The following SDAD1 variants were observed in gnomAD, a reference collection of about 807,000 sequenced individuals.
The protein encoded by SDAD1 is SDA1 domain containing 1, also known as protein SDA1 homolog.
A neutral mutation model predicts 100.3 loss-of-function variants in SDAD1; 79 were observed. That is an observed-to-expected ratio of 0.79 (90% CI 0.66 to 0.95). SDAD1 has a LOEUF of 0.95. SDAD1 is among the 40% of genes least tolerant of loss of function. SDAD1 has a pLI of 0.00. For synonymous variants in SDAD1, 267 were observed against 271.4 expected, an observed-to-expected ratio of 0.98 and a Z score of 0.16; for missense variants, 790 against 810.9, an observed-to-expected ratio of 0.97 and a Z score of 0.31.
chr4:75,962,975 T>G (rs1430867831), intron 14 of SDAD1, among the ~76,000 whole-genome samples: 2 of 152,346 alleles, frequency 1.3e-5, no homozygotes, highest in East Asian at 3.9e-4. Flanking sequence ...TCCATGCCTA[T>G]GTCCTGAATG....
Position 75,956,035 on chromosome 4 carries a change from C to A in SDAD1, c.1956G>T (p.Met652Ile), listed in dbSNP as rs1174109740. The A allele has an allele frequency of 4.3e-6, 7 of 1,612,624 alleles. No homozygotes were observed. Among genetic ancestry groups the A allele is most frequent in the Non-Finnish European group, 5.9e-6 (7 of 1,179,724 alleles). Reference protein sequence around the residue: ...NKEKKKQKNFMMMRYSQNVRS... With the variant: ...NKEKKKQKNFIMMRYSQNVRS... Reference sequence around the variant, plus strand: ...GGACATTCTGGCTATACCGCATCATCATAAAGTTCTTCTGTTTTTTCTTCT... The same window carrying A: ...GGACATTCTGGCTATACCGCATCATAATAAAGTTCTTCTGTTTTTTCTTCT... The change falls in exon 21 of 22, where the codon ATG (methionine) becomes ATT (isoleucine). Residue 652 changes from methionine to isoleucine, a missense_variant. Coordinates refer to ENST00000356260, the MANE Select transcript of SDAD1 (RefSeq NM_018115.4).
At chr4:75,961,690 G>A (rs1324392924) in intron 14 of SDAD1, among the ~76,000 whole-genome samples, 2 of 152,146 alleles carry the variant, frequency 1.3e-5, no homozygotes, top group Non-Finnish European at 2.9e-5. Context: ...TACTTATCAG[G>A]ACAGATTAGA....
intron 16 of SDAD1, 48 bp from the exon 17 acceptor site, chr4:75,960,240 C>A: frequency 6.9e-7 from 1 of 1,453,178 alleles, no homozygotes; most frequent in Non-Finnish European, 9.3e-7. Flanking sequence ...ATCATAAAAC[C>A]TTAATCATGA....
At chr4:75,950,916 A>AGC in intron 21 of SDAD1, 119 bp from the exon 22 acceptor site, 1 of 583,850 alleles carries the variant, frequency 1.7e-6, no homozygotes, top group South Asian at 2.8e-5. Context: ...CTGAAAAACT[A>AGC]TAAATGATAA....
chr4:75,954,412 C>T (rs995969003), intron 21 of SDAD1, among the ~76,000 whole-genome samples: 2 of 151,646 alleles, frequency 1.3e-5, no homozygotes, highest in African/African-American at 4.8e-5. Context: ...AGTACCCACA[C>T]CTATAATCCT....
chr4:75,970,227 T>C (rs977478145), intron 10 of SDAD1, 82 bp downstream of exon 10: 6 of 1,145,770 alleles, frequency 5.2e-6, no homozygotes, highest in Middle Eastern at 2.0e-4. Flanking sequence ...AGGGATCTTA[T>C]ATTCCCTGAA....
Position 75,964,212 on chromosome 4 carries a change from C to A in SDAD1, c.1105-1G>T, listed in dbSNP as rs774280100. Reference sequence around the variant, plus strand: ...CAGTCATAAGCAATGATTGAATAATCTGAATTGGAAACAAAAAAGAGATGG... The same window carrying A: ...CAGTCATAAGCAATGATTGAATAATATGAATTGGAAACAAAAAAGAGATGG... On this transcript the variant is annotated splice_acceptor_variant, in intron 13 of 21. Transcript: ENST00000356260. LOFTEE classifies it high-confidence loss of function. The A allele has an allele frequency of 1.2e-6, 2 of 1,601,812 alleles. No individual in the cohort carries two copies. Among genetic ancestry groups the A allele is most frequent in the South Asian group, 2.2e-5 (2 of 89,370 alleles).
intron 21 of SDAD1, among the ~76,000 whole-genome samples, chr4:75,953,069 T>C (rs17001273): frequency 0.23 from 35,520 of 151,948 alleles, 4,843 homozygotes; most frequent in East Asian, 0.5. Context: ...TTGAAGAAAA[T>C]ACAGGGCAAA....
At chr4:75,984,762 TAC>T (rs796775726) in intron 1 of SDAD1, among the ~76,000 whole-genome samples, 2 of 72,840 alleles carry the variant, frequency 2.7e-5, no homozygotes, top group African/African-American at 6.1e-5. Context: ...TTATGTGACA[TAC>T]ACACACACAC....
In SDAD1 at chr4:75,950,630, A is replaced by G. The variant is rs1728578275; in HGVS notation, c.*120T>C. ...ACAAAATTGCTGCCACATGTTCAGC[A>G]GTTTTCACAATACAGTGTGTCTGGA... is the stretch of plus-strand genomic sequence containing the variant. On this transcript the variant is annotated 3_prime_UTR_variant, in exon 22 of 22. Transcript: ENST00000356260. The G allele has an allele frequency of 1.7e-6, 1 of 587,178 alleles. No homozygotes were observed. The highest frequency in any genetic ancestry group is 4.0e-5 in the South Asian group (1 of 25,098). 36.4% of individuals were successfully genotyped at this position (587,178 alleles called of 1,614,324 possible).
At chr4:75,970,515 A>G in intron 9 of SDAD1, 137 bp from the exon 10 acceptor site, 1 of 583,424 alleles carries the variant, frequency 1.7e-6, no homozygotes, top group Non-Finnish European at 2.9e-6. Flanking sequence ...AACCTTTTCA[A>G]CTAGAAGAAT....
intron 1 of SDAD1, among the ~76,000 whole-genome samples, chr4:75,987,761 C>T (rs1044207522): frequency 6.6e-6 from 1 of 152,178 alleles, no homozygotes; most frequent in Admixed American, 6.5e-5. Context: ...CTTGGCCTCC[C>T]AAAGTGCTGA....
In SDAD1 at chr4:75,990,696, C is replaced by G. The variant is rs374451009; in HGVS notation, c.90+56G>C. 3.5e-5 allele frequency: 56 copies of G among 1,610,780 alleles called. No individual in the cohort carries two copies. In the African/African-American group the frequency reaches 4.1e-4, roughly 12 times the overall value. On this transcript the variant is annotated intron_variant, in intron 1 of 21. Transcript: ENST00000356260. Reference sequence around the variant, plus strand: ...AGCCCCACTCCATGCTTTCCCGCACCGGCGTCTCAACCATCCACTATCCGG... The same window carrying G: ...AGCCCCACTCCATGCTTTCCCGCACGGGCGTCTCAACCATCCACTATCCGG...
At chr4:75,977,171 T>C (rs1180571364) in intron 4 of SDAD1, among the ~76,000 whole-genome samples, 1 of 152,170 alleles carries the variant, frequency 6.6e-6, no homozygotes, top group African/African-American at 2.4e-5. Context: ...TGGGAAAATG[T>C]TAATAACAAC....
In SDAD1 at chr4:75,971,451, C is replaced by T. The variant is rs760105279; in HGVS notation, c.719G>A (p.Gly240Glu). The T allele has an allele frequency of 6.2e-7, 1 of 1,609,042 alleles. No individual in the cohort carries two copies. Among genetic ancestry groups the T allele is most frequent in the Non-Finnish European group, 8.5e-7 (1 of 1,176,248 alleles). Reference protein sequence around the residue: ...QDSDSESEDDGPTARDLLVQY... With the variant: ...QDSDSESEDDEPTARDLLVQY... ...TACTAGCAGGTCTCTTGCTGTTGGT[C>T]CATCATCCTAAAGAAGAAATTACTT... Residue 240 changes from glycine (G) to glutamate (E), a missense_variant, in exon 9 of 22, where the codon GGA becomes GAA. Coordinates refer to ENST00000356260, the MANE Select transcript of SDAD1 (RefSeq NM_018115.4).
At chr4:75,963,795 C>T (rs1729386042) in intron 14 of SDAD1, among the ~76,000 whole-genome samples, 1 of 152,098 alleles carries the variant, frequency 6.6e-6, no homozygotes, top group African/African-American at 2.4e-5. Flanking sequence ...CTTCCCAGCT[C>T]CAGAACTAGG....
chr4:75,990,720 G>T, intron 1 of SDAD1, 32 bp downstream of exon 1: 1 of 1,612,976 alleles, frequency 6.2e-7, no homozygotes, highest in African/African-American at 1.3e-5. Flanking sequence ...TCCACTATCC[G>T]GCCTCTAGCG....
chr4:75,962,439 G>A (rs961293945), intron 14 of SDAD1, among the ~76,000 whole-genome samples: 2 of 152,254 alleles, frequency 1.3e-5, no homozygotes, highest in Middle Eastern at 6.8e-3. Context: ...GGGTCAAATG[G>A]TATTTCTAGT....
rs1729144957 is a variant in SDAD1 at position 75,960,099 on chromosome 4, C to T, written c.1450G>A (p.Val484Ile). ...DYIPGAEVLE[V>I]EKEENAENDE... ...TTTTCAGCATTCTCTTCTTTCTCAA[C>T]TTCCAGAACTTCTGCTCCTGGAATG... Residue 484 changes from valine (V) to isoleucine (I), a missense_variant, in exon 17 of 22, where the codon GTT (valine) becomes ATT (isoleucine). Val to Ile is a conservative substitution (Grantham distance 29, BLOSUM62 3). Coordinates refer to ENST00000356260, the MANE Select transcript of SDAD1 (RefSeq NM_018115.4). 1.2e-6 allele frequency: 2 copies of T among 1,610,242 alleles called. No homozygotes were observed. Among genetic ancestry groups the T allele is most frequent in the African/African-American group, 1.3e-5 (1 of 74,756 alleles).
Sources: gnomAD v4.1 joint callset for allele counts (sites outside exome capture counted in the v4.1 genomes callset) on GRCh38, gnomAD v4.1.1 for gene constraint, MANE v1.5 for transcripts, NCBI Gene and HGNC (gene_info 2026-07-23, HGNC 2026-07-21) for gene names.